MAGI2: variants seen among roughly 807,000 people sequenced by gnomAD.
MAGI2 encodes the protein membrane associated guanylate kinase, WW and PDZ domain containing 2.
In MAGI2, 35 loss-of-function variants were observed where a neutral mutation model predicts 133.3. The observed-to-expected ratio is 0.26, with a 90% CI of 0.20 to 0.35. The LOEUF (loss-of-function observed/expected upper bound fraction) is 0.35. Among genes scored for constraint, MAGI2 ranks in the 10% least tolerant of loss-of-function variants. The probability of loss-of-function intolerance (pLI) is 1.00; values close to 1 mark genes in which losing one functional copy is unlikely to be tolerated. For synonymous variants in MAGI2, 729 were observed against 710.6 expected (o/e 1.03, Z -0.41); for missense variants, 1,636 against 1,863.4 (o/e 0.88, Z 2.25).
chr7:78,375,675 A>G (rs1468916651), intron 6 of MAGI2, among the ~76,000 whole-genome samples: 3 of 152,170 alleles, frequency 2.0e-5, no homozygotes, highest in Non-Finnish European at 4.4e-5. Context: ...CCCATAGGTT[A>G]AGTAATGTAG....
chr7:78,683,315 C>A (rs1815900633), intron 2 of MAGI2, among the ~76,000 whole-genome samples: 1 of 152,074 alleles, frequency 6.6e-6, no homozygotes, highest in Non-Finnish European at 1.5e-5. Flanking sequence ...CTAATAGAAA[C>A]CGAAGAATGA....
At chr7:79,054,461 T>C (rs1397662570) in intron 1 of MAGI2, among the ~76,000 whole-genome samples, 1 of 152,190 alleles carries the variant, frequency 6.6e-6, no homozygotes, top group Admixed American at 6.5e-5. Flanking sequence ...ATCATAATTC[T>C]TTCTGTTACC....
At chr7:78,204,641 G>A (rs112466824) in intron 10 of MAGI2, among the ~76,000 whole-genome samples, 2 of 151,872 alleles carry the variant, frequency 1.3e-5, no homozygotes, top group East Asian at 1.9e-4. Context: ...CATGTTTTTC[G>A]TACTGATCAT....
intron 1 of MAGI2, among the ~76,000 whole-genome samples, chr7:79,298,667 C>T (rs150844267): frequency 2.0e-5 from 3 of 152,080 alleles, no homozygotes; most frequent in African/African-American, 7.2e-5. Flanking sequence ...TGTGTCCCCC[C>T]AAAATTCATA....
intron 4 of MAGI2, among the ~76,000 whole-genome samples, chr7:78,507,081 T>G (rs1795154542): frequency 6.6e-6 from 1 of 152,158 alleles, no homozygotes; most frequent in Non-Finnish European, 1.5e-5. Flanking sequence ...ATATCTATAG[T>G]GTGTAAGATA....
intron 1 of MAGI2, among the ~76,000 whole-genome samples, chr7:79,160,984 C>G (rs2129547723): frequency 6.6e-6 from 1 of 152,048 alleles, no homozygotes. Context: ...TACTGGGAAT[C>G]CCAAACTCCT....
intron 2 of MAGI2, among the ~76,000 whole-genome samples, chr7:78,763,451 G>A (rs74620049): frequency 0.07 from 10,701 of 152,144 alleles, 534 homozygotes; most frequent in East Asian, 0.24. Flanking sequence ...TTTCTGAAGC[G>A]TTTCTTTACC....
chr7:79,443,948 G>A (rs960760035), intron 1 of MAGI2, among the ~76,000 whole-genome samples: 17 of 152,228 alleles, frequency 1.1e-4, no homozygotes, highest in Admixed American at 1.3e-4. Flanking sequence ...ATATGCATGT[G>A]TTTCACTATA....
chr7:79,136,244 C>T (rs574698515), intron 1 of MAGI2, among the ~76,000 whole-genome samples: 1 of 152,272 alleles, frequency 6.6e-6, no homozygotes, highest in African/African-American at 2.4e-5. Flanking sequence ...TTCCATCCAA[C>T]ACTATGTACA....
intron 6 of MAGI2, among the ~76,000 whole-genome samples, chr7:78,405,841 A>G (rs1453269372): frequency 6.6e-6 from 1 of 152,060 alleles, no homozygotes; most frequent in African/African-American, 2.4e-5. Flanking sequence ...CACAATAAAT[A>G]GACAATTGTC....
chr7:78,318,668 T>C (rs529216269), intron 9 of MAGI2, among the ~76,000 whole-genome samples: 57 of 152,120 alleles, frequency 3.7e-4, no homozygotes, highest in African/African-American at 1.3e-3. Flanking sequence ...CACATAACCA[T>C]CAGGTTTACC....
intron 1 of MAGI2, among the ~76,000 whole-genome samples, chr7:79,206,967 T>C (rs1256681697): frequency 2.6e-5 from 4 of 151,882 alleles, no homozygotes; most frequent in African/African-American, 9.7e-5. Flanking sequence ...ACAAAAGTGA[T>C]ATAATTATTT....
intron 2 of MAGI2, among the ~76,000 whole-genome samples, chr7:78,632,621 T>C (rs935992461): frequency 2.6e-5 from 4 of 152,228 alleles, no homozygotes; most frequent in Non-Finnish European, 5.9e-5. Flanking sequence ...TGGCGCCTCA[T>C]ACAGGTATTT....
At chr7:78,728,647 GCTCCGC>G (rs1322250724) in intron 2 of MAGI2, among the ~76,000 whole-genome samples, 1 of 96,798 alleles carries the variant, frequency 1.0e-5, no homozygotes, top group Non-Finnish European at 2.0e-5. Flanking sequence ...CTCAGTGCAA[GCTCCGC>G]CTCCCGGGTT....
chr7:78,944,072 G>A (rs1801204429), intron 2 of MAGI2, among the ~76,000 whole-genome samples: 1 of 152,114 alleles, frequency 6.6e-6, no homozygotes, highest in Admixed American at 6.5e-5. Flanking sequence ...CAGGTGCTAA[G>A]TAAATTCCCA....
intron 2 of MAGI2, among the ~76,000 whole-genome samples, chr7:78,869,614 A>G (rs1794861139): frequency 6.6e-6 from 1 of 152,202 alleles, no homozygotes; most frequent in Non-Finnish European, 1.5e-5. Flanking sequence ...ATCATGGCAT[A>G]AGGGGAAGCA....
chr7:78,235,893 A>G (rs1341319116), intron 10 of MAGI2, among the ~76,000 whole-genome samples: 1 of 152,108 alleles, frequency 6.6e-6, no homozygotes, highest in East Asian at 1.9e-4. Flanking sequence ...AATTTAACAA[A>G]GGGTAGTTGG....
At chr7:78,138,868 G>A (rs1822452156) in intron 16 of MAGI2, among the ~76,000 whole-genome samples, 1 of 152,134 alleles carries the variant, frequency 6.6e-6, no homozygotes, top group African/African-American at 2.4e-5. Flanking sequence ...TTCAAACCTT[G>A]GGGTTATTCC....
chr7:78,389,119 A>T (rs954640514), intron 6 of MAGI2, among the ~76,000 whole-genome samples: 2 of 152,240 alleles, frequency 1.3e-5, no homozygotes, highest in Non-Finnish European at 2.9e-5. Flanking sequence ...GATGAAGAAC[A>T]TGAAAGCTAC....
Sources: allele counts gnomAD v4.1 joint callset (sites outside exome capture counted in the v4.1 genomes callset), GRCh38; gene constraint gnomAD v4.1.1; transcripts MANE v1.5; gene names NCBI Gene and HGNC (gene_info 2026-07-23, HGNC 2026-07-21).